Variants in NLN observed in about 807,000 individuals in gnomAD.
The protein encoded by NLN is neurolysin.
Under a neutral mutation model 79.9 loss-of-function variants are expected in NLN, and 64 were observed. The ratio of observed to expected loss-of-function variants is 0.80; its 90% CI spans 0.65 to 0.99. The LOEUF is 0.99. NLN is among the 50% of genes least tolerant of loss of function. NLN has a pLI of 0.00. For synonymous variants in NLN, 267 were observed against 296.6 expected (o/e 0.90, Z 1.02); for missense variants, 835 against 858.7 (o/e 0.97, Z 0.34).
At chr5:65,759,305 A>C (rs949270220) in intron 2 of NLN, among the ~76,000 whole-genome samples, 2 of 152,154 alleles carry the variant, frequency 1.3e-5, no homozygotes, top group Non-Finnish European at 2.9e-5. Context: ...TGACATGGGG[A>C]AAAGGACACA....
In NLN at chr5:65,792,625, T is replaced by G; in HGVS notation, c.1497T>G (p.Phe499Leu). ...HDEVRTYFHE[F>L]GHVMHQICAQ... ...AGGTGAGGACTTACTTTCATGAGTTTGGTCACGTGATGCATCAGATTTGTG... is the reference window on the plus strand; with the variant it reads ...AGGTGAGGACTTACTTTCATGAGTTGGGTCACGTGATGCATCAGATTTGTG... The change falls in exon 9 of 13, where the codon TTT becomes TTG. Residue 499 changes from phenylalanine (F) to leucine (L), a missense_variant. Physicochemically the swap from Phe to Leu is conservative, Grantham distance 22. Coordinates refer to ENST00000380985, the MANE Select transcript of NLN (RefSeq NM_020726.5). The G allele has an allele frequency of 6.2e-7, 1 of 1,613,958 alleles. No individual in the cohort carries two copies. The highest frequency in any genetic ancestry group is 8.5e-7 in the Non-Finnish European group (1 of 1,179,910).
At chr5:65,772,060 G>A (rs750273714) in intron 3 of NLN, among the ~76,000 whole-genome samples, 1 of 151,084 alleles carries the variant, frequency 6.6e-6, no homozygotes, top group Non-Finnish European at 1.5e-5. Flanking sequence ...GTAGTCATTG[G>A]TCATAATCAA....
intron 11 of NLN, among the ~76,000 whole-genome samples, chr5:65,810,661 A>T (rs967246034): frequency 2.6e-5 from 4 of 152,186 alleles, no homozygotes; most frequent in African/African-American, 9.7e-5. Context: ...TATTGACTAT[A>T]GTCATCCTGT....
At chr5:65,798,000 G>A (rs73101596) in intron 9 of NLN, among the ~76,000 whole-genome samples, 375 of 152,252 alleles carry the variant, frequency 2.5e-3, no homozygotes, top group African/African-American at 8.8e-3. Flanking sequence ...GAGTGATGGA[G>A]GATTAGCTGA....
At chr5:65,739,688 A>G (rs1758830363) in intron 1 of NLN, among the ~76,000 whole-genome samples, 1 of 152,060 alleles carries the variant, frequency 6.6e-6, no homozygotes, top group African/African-American at 2.4e-5. Context: ...GGTCTTTTCC[A>G]TAATAGCTAT....
chr5:65,738,988 T>TATATATTTA (rs1554028926), intron 1 of NLN, among the ~76,000 whole-genome samples: 2 of 118,454 alleles, frequency 1.7e-5, no homozygotes, highest in South Asian at 2.4e-4. Flanking sequence ...TATTATATAT[T>TATATATTTA]TATATATATT....
At chr5:65,778,785 T>G (rs1299561311) in intron 4 of NLN, among the ~76,000 whole-genome samples, 1 of 152,140 alleles carries the variant, frequency 6.6e-6, no homozygotes, top group Non-Finnish European at 1.5e-5. Flanking sequence ...CTTCCTTTCA[T>G]TCCTAAAATG....
At chr5:65,753,832 C>T (rs1430164055) in intron 1 of NLN, among the ~76,000 whole-genome samples, 1 of 152,094 alleles carries the variant, frequency 6.6e-6, no homozygotes, top group Non-Finnish European at 1.5e-5. Context: ...GCCTTTTTAC[C>T]TATACTGGGA....
chr5:65,792,368 T>C (rs1244193647), intron 8 of NLN, 86 bp from the exon 9 acceptor site: 4 of 782,808 alleles, frequency 5.1e-6, no homozygotes, highest in Non-Finnish European at 4.3e-6. Context: ...GTAACAGATA[T>C]GGCTTAATGA....
chr5:65,800,722 T>G (rs1374301579), intron 9 of NLN, among the ~76,000 whole-genome samples: 3 of 148,746 alleles, frequency 2.0e-5, no homozygotes, highest in African/African-American at 7.4e-5. Flanking sequence ...TCTCACTCTG[T>G]TGCCCAGGCT....
At chr5:65,726,961 C>T (rs567827879) in intron 1 of NLN, among the ~76,000 whole-genome samples, 3 of 152,240 alleles carry the variant, frequency 2.0e-5, no homozygotes, top group African/African-American at 4.8e-5. Context: ...CTTACAGTTT[C>T]CATTGGGTTT....
In NLN at chr5:65,792,672, C is replaced by A. The variant is rs757136988; in HGVS notation, c.1527+17C>A. The A allele has an allele frequency of 6.3e-7, 1 of 1,575,370 alleles. No individual in the cohort carries two copies. Among genetic ancestry groups the A allele is most frequent in the Admixed American group, 1.7e-5 (1 of 59,960 alleles). On this transcript the variant is annotated intron_variant, in intron 9 of 12. Coordinates refer to ENST00000380985, the MANE Select transcript of NLN (RefSeq NM_020726.5). ...TGTGCACAGGTGAGTTTTTTTTTTCCCCCAGTAAACCTGCCAATTAGTTTT... is the reference window on the plus strand; with the variant it reads ...TGTGCACAGGTGAGTTTTTTTTTTCACCCAGTAAACCTGCCAATTAGTTTT...
rs927677589 is a variant in NLN at position 65,828,397 on chromosome 5, A to G, written c.*5482A>G. ...TACAGTGTTTGCAGGAGCAGTAACAAGATGGTGATAACTTTGAAAATACTT... is the reference window on the plus strand; with the variant it reads ...TACAGTGTTTGCAGGAGCAGTAACAGGATGGTGATAACTTTGAAAATACTT... On this transcript the variant is annotated 3_prime_UTR_variant, in exon 13 of 13. Coordinates refer to ENST00000380985, the MANE Select transcript of NLN (RefSeq NM_020726.5). 2 of 152,252 alleles carry G rather than the reference A, an allele frequency of 1.3e-5. No individual in the cohort carries two copies. The allele number at this position is 152,252 out of a possible 1,614,324, so 9.4% of individuals were successfully genotyped here. A position where few individuals can be genotyped will look rare whatever the true frequency, so the allele number is the denominator to read the frequency against.
intron 1 of NLN, among the ~76,000 whole-genome samples, chr5:65,746,060 AG>A (rs1641656466): frequency 6.6e-6 from 1 of 152,184 alleles, no homozygotes; most frequent in African/African-American, 2.4e-5. Context: ...TCTAGAACTC[AG>A]GAGATTTGTG....
At chr5:65,812,868 TG>T (rs1423902875) in intron 12 of NLN, among the ~76,000 whole-genome samples, 1 of 152,222 alleles carries the variant, frequency 6.6e-6, no homozygotes, top group Non-Finnish European at 1.5e-5. Context: ...TTGTGACCTT[TG>T]TCACAAAGTT....
chr5:65,774,079 T>G (rs1759628936), intron 3 of NLN, among the ~76,000 whole-genome samples: 1 of 151,930 alleles, frequency 6.6e-6, no homozygotes, highest in Non-Finnish European at 1.5e-5. Flanking sequence ...TTTGCTGTTT[T>G]TAACCATTAG....
rs1329047001 is a variant in NLN at position 65,788,359 on chromosome 5, G to T, written c.1200G>T (p.Leu400Phe). The T allele has an allele frequency of 3.1e-6, 5 of 1,614,100 alleles. No homozygotes were observed. The African/African-American group carries it at 6.7e-5, about 22-fold the overall frequency. The change falls in exon 8 of 13, where the codon TTG (leucine) becomes TTT (phenylalanine). Residue 400 changes from leucine (L) to phenylalanine (F), a missense_variant. Physicochemically the swap from Leu to Phe is conservative, Grantham distance 22 (BLOSUM62 0). Coordinates refer to ENST00000380985, the MANE Select transcript of NLN (RefSeq NM_020726.5). Reference protein sequence around the residue: ...TEGLLNTYQELLGLSFEQMTD... With the variant: ...TEGLLNTYQEFLGLSFEQMTD... ...GCTTGCTGAACACCTACCAGGAGTTGTTGGGACTTTCATTTGAACAAATGA... is the reference window on the plus strand; with the variant it reads ...GCTTGCTGAACACCTACCAGGAGTTTTTGGGACTTTCATTTGAACAAATGA...
rs1285670637 is a variant in NLN at position 65,722,321 on chromosome 5, C to A, written c.-53C>A. 2.0e-6 allele frequency: 3 copies of A among 1,472,300 alleles called. No homozygotes were observed. The highest frequency in any genetic ancestry group is 2.7e-6 in the Non-Finnish European group (3 of 1,103,322). The allele number at this position is 1,472,300 out of a possible 1,614,324, so 91.2% of individuals were successfully genotyped here. On this transcript the variant is annotated 5_prime_UTR_variant, in exon 1 of 13. Coordinates refer to ENST00000380985, the MANE Select transcript of NLN (RefSeq NM_020726.5). ...GCCCAGGCGCTGCCGCCCGCCTCGC[C>A]GCCCCACGCCGAAGGACCACGCGCC...
intron 1 of NLN, 28 bp downstream of exon 1, chr5:65,722,442 G>T (rs1212241341): frequency 6.4e-7 from 1 of 1,566,804 alleles, no homozygotes; most frequent in Non-Finnish European, 8.6e-7. Context: ...GTTAACCTTG[G>T]CCGTGGGCAG....
Sources: gnomAD v4.1 joint callset for allele counts (sites outside exome capture counted in the v4.1 genomes callset) on GRCh38, gnomAD v4.1.1 for gene constraint, MANE v1.5 for transcripts, NCBI Gene and HGNC (gene_info 2026-07-23, HGNC 2026-07-21) for gene names.